RXRA: variants seen among roughly 807,000 people sequenced by gnomAD.
The protein encoded by RXRA is retinoid X receptor alpha, also known as retinoic acid receptor RXR-alpha.
Under a neutral mutation model 44.5 loss-of-function variants are expected in RXRA, and 5 were observed. The observed-to-expected ratio is 0.11, with a 90% CI of 0.06 to 0.24. RXRA has a LOEUF of 0.24. Among genes scored for constraint, RXRA ranks in the 10% least tolerant of loss-of-function variants. The pLI is 1.00. For synonymous variants in RXRA, 291 were observed against 271.4 expected (o/e 1.07, Z -0.71); for missense variants, 412 against 646.5 (o/e 0.64, Z 3.93).
At chr9:134,399,792 C>T (rs1022013964) in intron 1 of RXRA, among the ~76,000 whole-genome samples, 4 of 152,226 alleles carry the variant, frequency 2.6e-5, no homozygotes, top group East Asian at 1.9e-4. Flanking sequence ...ACCCCGACTG[C>T]GATGGGGCAC....
At chr9:134,373,751 G>A (rs1830518528) in intron 1 of RXRA, among the ~76,000 whole-genome samples, 1 of 152,240 alleles carries the variant, frequency 6.6e-6, no homozygotes, top group Non-Finnish European at 1.5e-5. Context: ...ATTACCAGCC[G>A]ATAGCCAGGT....
intron 1 of RXRA, among the ~76,000 whole-genome samples, chr9:134,358,005 AT>A (rs1010959739): frequency 1.1e-4 from 17 of 152,094 alleles, no homozygotes; most frequent in African/African-American, 4.1e-4. Context: ...GGGACATGGG[AT>A]GAGAGGCGTA....
At position 134,407,981 on chromosome 9, in the gene RXRA, C is replaced by T. The variant is rs1212000949; in HGVS notation, c.280-168C>T. Among the ~76,000 whole-genome samples, 1 of 151,894 alleles carries T rather than the reference C, an allele frequency of 6.6e-6. No individual in the cohort carries two copies. The highest frequency in any genetic ancestry group is 1.9e-4 in the East Asian group (1 of 5,140). ...GGCCTTGCTGAGCAAGCACAGTGGC[C>T]CCGCTGCTCCGGAGCAGCGTGGCGG... On this transcript the variant is annotated intron_variant, in intron 2 of 9. Coordinates refer to ENST00000481739, the MANE Select transcript of RXRA (RefSeq NM_002957.6). The surrounding 1 kb of genome is among the most constrained non-coding windows in gnomAD (Gnocchi z 4.8).
Position 134,407,928 on chromosome 9 carries a change from G to T in RXRA, c.280-221G>T, listed in dbSNP as rs1202078644. On this transcript the variant is annotated intron_variant, in intron 2 of 9. Transcript: ENST00000481739. The surrounding 1 kb of genome is among the most constrained non-coding windows in gnomAD (Gnocchi z 4.8). ...CAGAGGCCTGGGGTCTGCTGCGGGC[G>T]AGTCCTGAGGTTGCCACAGCCTCTG... 1.3e-5 allele frequency among the ~76,000 whole-genome samples: 2 copies of T among 151,968 alleles called. No homozygotes were observed. Among genetic ancestry groups the T allele is most frequent in the South Asian group, 4.1e-4 (2 of 4,830 alleles).
chr9:134,421,010 A>C (rs952990797), intron 5 of RXRA, among the ~76,000 whole-genome samples: 1 of 152,246 alleles, frequency 6.6e-6, no homozygotes, highest in Non-Finnish European at 1.5e-5. Context: ...CCCTGTCCCC[A>C]GCGTGGGCCA....
chr9:134,339,567 G>A (rs1830057818), intron 1 of RXRA, among the ~76,000 whole-genome samples: 1 of 150,166 alleles, frequency 6.7e-6, no homozygotes, highest in African/African-American at 2.5e-5. Context: ...GCATACCCAT[G>A]GCCTTTTGTG....
intron 6 of RXRA, chr9:134,423,634 G>A (rs1199150436): frequency 5.1e-6 from 5 of 985,374 alleles, no homozygotes; most frequent in South Asian, 4.7e-5. Flanking sequence ...CGCTGGCCTC[G>A]TGTCTGGTGG....
chr9:134,423,753 T>C, intron 6 of RXRA: 1 of 985,456 alleles, frequency 1.0e-6, no homozygotes, highest in Non-Finnish European at 1.2e-6. Flanking sequence ...TGCCCTTGTT[T>C]GCAGGGGCTC....
intron 1 of RXRA, among the ~76,000 whole-genome samples, chr9:134,356,245 G>A (rs1279931922): frequency 6.6e-6 from 1 of 152,168 alleles, no homozygotes; most frequent in East Asian, 1.9e-4. Context: ...TCAGGCTCTC[G>A]TAGGTGACTC....
intron 6 of RXRA, 107 bp downstream of exon 6, chr9:134,421,912 C>T: frequency 6.5e-7 from 1 of 1,535,830 alleles, no homozygotes; most frequent in Non-Finnish European, 8.7e-7. Flanking sequence ...ACTCCCCTGT[C>T]CTGGGACACT....
chr9:134,333,367 TC>T (rs1554746907), intron 1 of RXRA, among the ~76,000 whole-genome samples: 2 of 152,126 alleles, frequency 1.3e-5, no homozygotes, highest in African/African-American at 4.8e-5. Flanking sequence ...GTGCCTGGCC[TC>T]CCCGCACCTC....
intron 1 of RXRA, among the ~76,000 whole-genome samples, chr9:134,354,864 C>T (rs1232138377): frequency 6.6e-6 from 1 of 152,266 alleles, no homozygotes; most frequent in South Asian, 2.1e-4. Flanking sequence ...TGTGCACTCC[C>T]AGTCCCCTAA....
intron 2 of RXRA, among the ~76,000 whole-genome samples, chr9:134,406,874 C>T (rs1274588404): frequency 6.6e-6 from 1 of 152,260 alleles, no homozygotes. Flanking sequence ...GGGGCTTTCT[C>T]TTGCCCCTTC....
intron 1 of RXRA, among the ~76,000 whole-genome samples, chr9:134,330,351 A>G (rs1834983305): frequency 6.6e-6 from 1 of 152,120 alleles, no homozygotes; most frequent in South Asian, 2.1e-4. Flanking sequence ...GTGTGTTTTC[A>G]TAGGAATTGG....
At chr9:134,362,371 T>C (rs1325288704) in intron 1 of RXRA, among the ~76,000 whole-genome samples, 1 of 152,194 alleles carries the variant, frequency 6.6e-6, no homozygotes, top group African/African-American at 2.4e-5. Context: ...GGGCATCTCT[T>C]AGGCCCGCCT....
chr9:134,394,511 C>T (rs973883770), intron 1 of RXRA, among the ~76,000 whole-genome samples: 2 of 152,086 alleles, frequency 1.3e-5, no homozygotes, highest in African/African-American at 4.8e-5. Flanking sequence ...GTGTGTGGGT[C>T]ACTCTTCCTC....
At chr9:134,388,752 C>G (rs1268121493) in intron 1 of RXRA, among the ~76,000 whole-genome samples, 1 of 152,202 alleles carries the variant, frequency 6.6e-6, no homozygotes, top group African/African-American at 2.4e-5. Flanking sequence ...GGAGGGGAGT[C>G]ATCCTTCGAT....
At chr9:134,345,212 G>A (rs1357029132) in intron 1 of RXRA, among the ~76,000 whole-genome samples, 2 of 152,190 alleles carry the variant, frequency 1.3e-5, no homozygotes, top group East Asian at 3.9e-4. Flanking sequence ...CACCGGATTA[G>A]TGAGGATAAC....
chr9:134,433,807 G>C lies in RXRA; in HGVS notation c.1136-295G>C, dbSNP rs1261622446. Among the ~76,000 whole-genome samples, 1 of 152,190 alleles carries C rather than the reference G, an allele frequency of 6.6e-6. No individual in the cohort carries two copies. On this transcript the variant is annotated intron_variant, in intron 8 of 9. Transcript: ENST00000481739. The surrounding 1 kb of genome is among the most constrained non-coding windows in gnomAD (Gnocchi z 4.2). ...GGCAGCAGATCCCTGACACTTTATCGATGGGGAAACCGAGTCTCTGGAGGT... is the reference window on the plus strand; with the variant it reads ...GGCAGCAGATCCCTGACACTTTATCCATGGGGAAACCGAGTCTCTGGAGGT...
Sources: allele counts gnomAD v4.1 joint callset (sites outside exome capture counted in the v4.1 genomes callset), GRCh38; gene constraint gnomAD v4.1.1; non-coding constraint Gnocchi (gnomAD v3.1); transcripts MANE v1.5; gene names NCBI Gene and HGNC (gene_info 2026-07-23, HGNC 2026-07-21).